ADGRL3: variants seen among roughly 807,000 people sequenced by gnomAD.
ADGRL3 encodes calcium-independent alpha-latrotoxin receptor 3.
Under a neutral mutation model 153.5 loss-of-function variants are expected in ADGRL3, and 62 were observed. The ratio of observed to expected loss-of-function variants is 0.40; its 90% CI spans 0.33 to 0.50. ADGRL3 has a LOEUF of 0.50. ADGRL3 is among the 20% of genes least tolerant of loss of function. ADGRL3 has a pLI of 0.47. For synonymous variants in ADGRL3, 710 were observed against 672.5 expected, an observed-to-expected ratio of 1.06 and a Z score of -0.86; for missense variants, 1,641 against 1,859.4, an observed-to-expected ratio of 0.88 and a Z score of 2.16.
intron 2 of ADGRL3, among the ~76,000 whole-genome samples, chr4:61,390,743 G>T (rs1293566171): frequency 2.6e-5 from 4 of 152,074 alleles, no homozygotes; most frequent in Non-Finnish European, 5.9e-5. Flanking sequence ...AACCTGTAGA[G>T]AATTGTGTAA....
At chr4:61,444,148 A>G (rs1397143620) in intron 2 of ADGRL3, among the ~76,000 whole-genome samples, 2 of 152,252 alleles carry the variant, frequency 1.3e-5, no homozygotes, top group African/African-American at 4.8e-5. Context: ...ATATAATGCC[A>G]TTCCATTTAT....
chr4:61,671,257 T>C (rs1450898680), intron 5 of ADGRL3, among the ~76,000 whole-genome samples: 1 of 152,204 alleles, frequency 6.6e-6, no homozygotes, highest in East Asian at 1.9e-4. Context: ...ACTTTTTCAT[T>C]GTCACACTTA....
intron 9 of ADGRL3, among the ~76,000 whole-genome samples, chr4:61,825,784 C>T (rs1444296005): frequency 2.0e-5 from 3 of 152,072 alleles, no homozygotes; most frequent in African/African-American, 7.2e-5. Flanking sequence ...TTAAATTATT[C>T]ATGACATGTG....
chr4:61,892,777 T>G lies in ADGRL3; in HGVS notation c.1602T>G (p.Ser534Arg). Residue 534 changes from serine (S) to arginine (R), a missense_variant, in exon 10 of 27, where the codon AGT becomes AGG. By Grantham distance (110) the Ser-to-Arg change is moderately radical (BLOSUM62 -1). Transcript: ENST00000683033. The stretch of plus-strand genomic sequence containing the variant: ...CAGTGTCAGGAAGAAGAAACCGGAG[T>G]ACTAGTACCCCATCTCCAGCTGTCG... ...TPSVSGRRNRSTSTPSPAVEV... is the reference protein window; with the variant it reads ...TPSVSGRRNRRTSTPSPAVEV... 6.2e-7 allele frequency: 1 copy of G among 1,613,520 alleles called. No homozygotes were observed. Among genetic ancestry groups the G allele is most frequent in the Non-Finnish European group, 8.5e-7 (1 of 1,179,790 alleles).
At chr4:61,880,461 T>A (rs952802589) in intron 9 of ADGRL3, among the ~76,000 whole-genome samples, 9 of 152,180 alleles carry the variant, frequency 5.9e-5, no homozygotes, top group African/African-American at 2.2e-4. Context: ...TAATTCAAAT[T>A]TATCAAAGTC....
chr4:61,264,227 G>A (rs990893808), intron 1 of ADGRL3, among the ~76,000 whole-genome samples: 2 of 151,880 alleles, frequency 1.3e-5, no homozygotes, highest in Non-Finnish European at 2.9e-5. Flanking sequence ...AAACTGCTTG[G>A]GAGAAAGCCA....
intron 1 of ADGRL3, among the ~76,000 whole-genome samples, chr4:61,367,976 C>A (rs2096439912): frequency 1.3e-5 from 2 of 151,474 alleles, no homozygotes; most frequent in Admixed American, 6.6e-5. Flanking sequence ...ATTTGCATTT[C>A]TCTGATGGCC....
chr4:61,384,554 T>C (rs2096713351), intron 2 of ADGRL3, among the ~76,000 whole-genome samples: 1 of 151,900 alleles, frequency 6.6e-6, no homozygotes, highest in Non-Finnish European at 1.5e-5. Context: ...AATCCACTGG[T>C]AATATTTATA....
At chr4:62,016,522 A>G (rs1315979355) in intron 21 of ADGRL3, among the ~76,000 whole-genome samples, 1 of 152,024 alleles carries the variant, frequency 6.6e-6, no homozygotes, top group Non-Finnish European at 1.5e-5. Flanking sequence ...TCCTACATTA[A>G]ATCTGTTTCT....
rs371821063 is a variant in ADGRL3 at position 61,892,927 on chromosome 4, A to G, written c.1752A>G (p.Ile584Met). The G allele has an allele frequency of 3.9e-6, 6 of 1,542,958 alleles. No individual in the cohort carries two copies. The highest frequency in any genetic ancestry group is 2.1e-5 in the Admixed American group (1 of 47,070). Residue 584 changes from isoleucine to methionine, a missense_variant, in exon 10 of 27, where the codon ATA becomes ATG. By Grantham distance (10) the Ile-to-Met change is conservative (BLOSUM62 1). This residue lies in a region of ADGRL3 where 734 missense variants were observed against 797.0 expected (regional missense o/e 0.92). Coordinates refer to ENST00000683033, the MANE Select transcript of ADGRL3 (RefSeq NM_001387552.1). The stretch of plus-strand genomic sequence containing the variant: ...GGTTTAAGACTCGTCAAGGACAGAT[A>G]GCAAAGCAGCCATGCCCTGCAGGAA... ...IMWFKTRQGQ[I>M]AKQPCPAGTI...
chr4:61,374,632 G>GA (rs2096582466), intron 1 of ADGRL3, among the ~76,000 whole-genome samples: 1 of 151,916 alleles, frequency 6.6e-6, no homozygotes, highest in Admixed American at 6.5e-5. Context: ...AGGGGGCAGA[G>GA]AAAAAAGGAG....
intron 1 of ADGRL3, among the ~76,000 whole-genome samples, chr4:61,320,925 C>T (rs551444667): frequency 6.6e-6 from 1 of 152,184 alleles, no homozygotes; most frequent in South Asian, 2.1e-4. Context: ...ATCCCATTTC[C>T]TTGCTTTTTC....
In ADGRL3 at chr4:61,617,944, G is replaced by T. The variant is rs964664537; in HGVS notation, c.473+30504G>T. Among the ~76,000 whole-genome samples, 8 of 152,278 alleles carry T rather than the reference G, an allele frequency of 5.3e-5. No homozygotes were observed. In the East Asian group the frequency reaches 7.7e-4, roughly 15 times the overall value. ...AGCAAATTTGCAGCAATGAACATAG[G>T]TTGGATAGCTACTGTTTGAAATATT... On this transcript the variant is annotated intron_variant, in intron 5 of 26. Coordinates refer to ENST00000683033, the MANE Select transcript of ADGRL3 (RefSeq NM_001387552.1).
chr4:61,733,654 G>T (rs1190273294), intron 8 of ADGRL3, 100 bp downstream of exon 8: 9 of 865,240 alleles, frequency 1.0e-5, no homozygotes. Flanking sequence ...GTGGTATTCT[G>T]GCCTGTGTAC....
intron 1 of ADGRL3, among the ~76,000 whole-genome samples, chr4:61,229,616 C>T (rs766228908): frequency 6.6e-6 from 1 of 151,862 alleles, no homozygotes; most frequent in South Asian, 2.1e-4. Context: ...TATTAAATGA[C>T]CCTGTGAGTC....
intron 8 of ADGRL3, among the ~76,000 whole-genome samples, chr4:61,782,238 A>G (rs2097221590): frequency 6.6e-6 from 1 of 152,092 alleles, no homozygotes; most frequent in Non-Finnish European, 1.5e-5. Flanking sequence ...TTCTTTTTCT[A>G]TTAATGAGAA....
chr4:61,988,263 A>G (rs543088269), intron 19 of ADGRL3, among the ~76,000 whole-genome samples: 1 of 152,294 alleles, frequency 6.6e-6, no homozygotes, highest in South Asian at 2.1e-4. Context: ...ATATTCAAGA[A>G]TGTACTTAGA....
At chr4:61,754,026 G>A (rs1252627864) in intron 8 of ADGRL3, among the ~76,000 whole-genome samples, 2 of 152,132 alleles carry the variant, frequency 1.3e-5, no homozygotes, top group East Asian at 1.9e-4. Flanking sequence ...TGAGCCTGCC[G>A]GGAAGTGACC....
intron 1 of ADGRL3, among the ~76,000 whole-genome samples, chr4:61,238,356 T>C (rs1421114066): frequency 6.6e-6 from 1 of 152,154 alleles, no homozygotes; most frequent in Admixed American, 6.6e-5. Context: ...CTGTTATCTC[T>C]ATAAGGTTCT....
Sources: gnomAD v4.1 joint callset for allele counts (sites outside exome capture counted in the v4.1 genomes callset) on GRCh38, gnomAD v4.1.1 for gene constraint, gnomAD v4.1.1 regional missense constraint, MANE v1.5 for transcripts, NCBI Gene and HGNC (gene_info 2026-07-23, HGNC 2026-07-21) for gene names.